UBE3A: variants seen among roughly 807,000 people sequenced by gnomAD.
UBE3A encodes ubiquitin protein ligase E3A, also known as ubiquitin-protein ligase E3A.
A neutral mutation model predicts 83.4 loss-of-function variants in UBE3A; 6 were observed. The observed-to-expected ratio is 0.07, with a 90% confidence interval of 0.04 to 0.14. The LOEUF is 0.14. Among genes scored for constraint, UBE3A ranks in the 10% least tolerant of loss-of-function variants. The probability of loss-of-function intolerance (pLI) is 1.00; values close to 1 mark genes in which losing one functional copy is unlikely to be tolerated. For synonymous variants in UBE3A, 337 were observed against 355.4 expected (o/e 0.95, Z 0.58); for missense variants, 456 against 1,036.1 (o/e 0.44, Z 7.69).
intron 4 of UBE3A, among the ~76,000 whole-genome samples, chr15:25,398,820 T>TATATATATAC (rs2086379411): frequency 4.7e-5 from 6 of 127,150 alleles, no homozygotes; most frequent in Admixed American, 8.1e-5. Context: ...TATATAAAAA[T>TATATATATAC]ACATATATAT....
At chr15:25,427,228 A>G (rs2153170778) in intron 1 of UBE3A, among the ~76,000 whole-genome samples, 1 of 152,264 alleles carries the variant, frequency 6.6e-6, no homozygotes, top group Admixed American at 6.5e-5. Context: ...ACCTAATCTC[A>G]GTTGAGATAA....
intron 4 of UBE3A, among the ~76,000 whole-genome samples, chr15:25,398,415 T>C (rs566986695): frequency 5.3e-5 from 8 of 152,170 alleles, no homozygotes; most frequent in Admixed American, 3.9e-4. Flanking sequence ...CAAATTCCTC[T>C]TAATTGAAAT....
intron 4 of UBE3A, among the ~76,000 whole-genome samples, chr15:25,403,284 G>C (rs2087625388): frequency 6.6e-6 from 1 of 152,152 alleles, no homozygotes; most frequent in Non-Finnish European, 1.5e-5. Flanking sequence ...ATTCCCCTCA[G>C]TAGCTTCCTA....
chr15:25,401,934 C>T (rs894049484), intron 4 of UBE3A, among the ~76,000 whole-genome samples: 2 of 152,014 alleles, frequency 1.3e-5, no homozygotes, highest in Non-Finnish European at 1.5e-5. Flanking sequence ...ATTTTGATTG[C>T]TGTTTTCCTG....
chr15:25,398,249 T>C (rs1436937804), intron 4 of UBE3A, among the ~76,000 whole-genome samples: 2 of 150,240 alleles, frequency 1.3e-5, no homozygotes, highest in African/African-American at 4.9e-5. Flanking sequence ...TTCCAAAATA[T>C]GTATACACTG....
chr15:25,338,897 T>C lies in UBE3A; in HGVS notation c.*240A>G, dbSNP rs944297883. The stretch of plus-strand genomic sequence containing the variant: ...ACACTTTCACGCAAAAAAATAATTA[T>C]AATAATAATAAAGGATTTGTTCATA... On this transcript the variant is annotated 3_prime_UTR_variant, in exon 13 of 13. Coordinates refer to ENST00000648336, the MANE Select transcript of UBE3A (RefSeq NM_130839.5). The C allele has an allele frequency of 1.9e-5, 4 of 215,614 alleles. No homozygotes were observed. The highest frequency in any genetic ancestry group is 3.6e-5 in the Non-Finnish European group (4 of 111,126). 13.4% of individuals were successfully genotyped at this position (215,614 alleles called of 1,614,324 possible). A position where few individuals can be genotyped will look rare whatever the true frequency, so the allele number is the denominator to read the frequency against.
rs2080361107 is a variant in UBE3A at position 25,371,956 on chromosome 15, T to G, written c.362-144A>C. On this transcript the variant is annotated intron_variant, in intron 5 of 12. Coordinates refer to ENST00000648336, the MANE Select transcript of UBE3A (RefSeq NM_130839.5). The surrounding 1 kb of genome is among the most constrained non-coding windows in gnomAD (Gnocchi z 5.3). ...TACAACTCTTAAAGTATCTAATACT[T>G]AGATTCAGCAAACAAAATTTAATGC... The G allele has an allele frequency of 1.1e-6, 1 of 889,240 alleles. No homozygotes were observed. The highest frequency in any genetic ancestry group is 1.7e-5 in the African/African-American group (1 of 58,766). 55.1% of individuals were successfully genotyped at this position (889,240 alleles called of 1,614,324 possible).
At position 25,370,968 on chromosome 15, in the gene UBE3A, G is replaced by A. The variant is rs774072376; in HGVS notation, c.1206C>T (p.Ser402=). The A allele has an allele frequency of 3.1e-6, 5 of 1,613,966 alleles. No homozygotes were observed. The highest frequency in any genetic ancestry group is 2.2e-5 in the East Asian group (1 of 44,858). Residue 402 remains serine, a synonymous_variant, in exon 6 of 13, where the codon AGC becomes AGT. Coordinates refer to ENST00000648336, the MANE Select transcript of UBE3A (RefSeq NM_130839.5). The surrounding 1 kb of genome is among the most constrained non-coding windows in gnomAD (Gnocchi z 4.2). ...EDDEEPIPES[S]ELTLQELLGE... ...CCAAAAGTTCCTGAAGTGTCAGCTC[G>A]CTGGACTCAGGGATGGGCTCTTCAT... is the stretch of plus-strand genomic sequence containing the variant.
At chr15:25,342,153 C>T (rs939187532) in intron 11 of UBE3A, among the ~76,000 whole-genome samples, 1 of 152,052 alleles carries the variant, frequency 6.6e-6, no homozygotes, top group Non-Finnish European at 1.5e-5. Flanking sequence ...TTTGGGGAGG[C>T]TGACAAGAGA....
At chr15:25,384,635 T>C (rs747411168) in intron 4 of UBE3A, among the ~76,000 whole-genome samples, 1 of 151,450 alleles carries the variant, frequency 6.6e-6, no homozygotes, top group Non-Finnish European at 1.5e-5. Flanking sequence ...AAAATCCCAA[T>C]GGCATTTTCT....
At chr15:25,351,723 G>A (rs1445017254) in intron 11 of UBE3A, among the ~76,000 whole-genome samples, 2 of 152,076 alleles carry the variant, frequency 1.3e-5, no homozygotes, top group East Asian at 1.9e-4. Flanking sequence ...TGCCCGCCTC[G>A]GGCGTTTTTG....
intron 1 of UBE3A, among the ~76,000 whole-genome samples, chr15:25,431,072 C>G (rs901349682): frequency 1.3e-5 from 2 of 152,178 alleles, no homozygotes; most frequent in Non-Finnish European, 2.9e-5. Flanking sequence ...CTCAGTTCGT[C>G]TAATACACTA....
chr15:25,379,911 T>C (rs1013516033), intron 4 of UBE3A, among the ~76,000 whole-genome samples: 1 of 152,196 alleles, frequency 6.6e-6, no homozygotes, highest in Non-Finnish European at 1.5e-5. Flanking sequence ...TACTGGAACA[T>C]ACCCAAGTTC....
chr15:25,382,710 G>C (rs1049733701), intron 4 of UBE3A, among the ~76,000 whole-genome samples: 1 of 152,000 alleles, frequency 6.6e-6, no homozygotes, highest in African/African-American at 2.4e-5. Context: ...CAAATTCTTA[G>C]ATTAAGAAAT....
chr15:25,433,739 T>G (rs1279697751), intron 1 of UBE3A, among the ~76,000 whole-genome samples: 1 of 152,084 alleles, frequency 6.6e-6, no homozygotes, highest in Admixed American at 6.6e-5. Flanking sequence ...TCATAAGGCT[T>G]AGAATCAAAT....
chr15:25,384,554 T>C (rs1163778283), intron 4 of UBE3A, among the ~76,000 whole-genome samples: 2 of 151,714 alleles, frequency 1.3e-5, no homozygotes, highest in Non-Finnish European at 1.5e-5. Flanking sequence ...AGTTTATGAA[T>C]TGGAAGATTT....
chr15:25,384,778 A>G (rs939199847), intron 4 of UBE3A, among the ~76,000 whole-genome samples: 1 of 152,246 alleles, frequency 6.6e-6, no homozygotes, highest in African/African-American at 2.4e-5. Flanking sequence ...GCAAAGCTAT[A>G]GTAATCAAAA....
At chr15:25,437,349 C>T (rs1341568973) in intron 1 of UBE3A, among the ~76,000 whole-genome samples, 1 of 152,126 alleles carries the variant, frequency 6.6e-6, no homozygotes, top group African/African-American at 2.4e-5. Flanking sequence ...AGACAAACAC[C>T]TTATCCCACT....
intron 1 of UBE3A, among the ~76,000 whole-genome samples, chr15:25,426,769 T>C (rs144909782): frequency 6.6e-4 from 100 of 152,248 alleles, no homozygotes; most frequent in African/African-American, 1.9e-3. Flanking sequence ...AGTAAACATA[T>C]GAGAACATTT....
Sources: allele counts gnomAD v4.1 joint callset (sites outside exome capture counted in the v4.1 genomes callset), GRCh38; gene constraint gnomAD v4.1.1; non-coding constraint Gnocchi (gnomAD v3.1); transcripts MANE v1.5; gene names NCBI Gene and HGNC (gene_info 2026-07-23, HGNC 2026-07-21).